Variants in NPAS3 observed in about 807,000 individuals in gnomAD.
NPAS3 encodes neuronal PAS domain protein 3.
A neutral mutation model predicts 73.1 loss-of-function variants in NPAS3; 14 were observed. The ratio of observed to expected loss-of-function variants is 0.19; its 90% CI spans 0.13 to 0.30. The LOEUF is 0.30. NPAS3 is among the 10% of genes least tolerant of loss of function. NPAS3 has a pLI of 1.00. For missense variants in NPAS3, 1,096 were observed against 1,250.0 expected (o/e 0.88, Z 1.86); for synonymous variants, 620 against 541.5 (o/e 1.14, Z -2.01).
intron 3 of NPAS3, among the ~76,000 whole-genome samples, chr14:33,356,887 GT>G (rs974649421): frequency 3.1e-4 from 47 of 152,314 alleles, no homozygotes; most frequent in African/African-American, 1.1e-3. Flanking sequence ...CAAGTTAAGT[GT>G]TTTTTCCTCA....
chr14:33,753,525 T>C (rs1365051277), intron 7 of NPAS3, among the ~76,000 whole-genome samples: 1 of 152,164 alleles, frequency 6.6e-6, no homozygotes, highest in Non-Finnish European at 1.5e-5. Context: ...CTGTAAGTAA[T>C]GAACCTTCCA....
chr14:33,098,395 C>A (rs904437818), intron 2 of NPAS3, among the ~76,000 whole-genome samples: 1 of 151,796 alleles, frequency 6.6e-6, no homozygotes, highest in African/African-American at 2.4e-5. Flanking sequence ...ATGATGATGA[C>A]AACAATGATG....
At chr14:33,554,592 ATTC>A (rs1359693117) in intron 4 of NPAS3, among the ~76,000 whole-genome samples, 4 of 152,330 alleles carry the variant, frequency 2.6e-5, no homozygotes, top group Admixed American at 2.0e-4. Context: ...CCTACTGGTA[ATTC>A]TTCTCTCTAA....
intron 2 of NPAS3, among the ~76,000 whole-genome samples, chr14:33,139,811 C>T (rs562102041): frequency 1.5e-4 from 23 of 152,276 alleles, no homozygotes; most frequent in African/African-American, 5.1e-4. Context: ...CAGTGCAGAT[C>T]GTAGAACACT....
chr14:33,176,145 C>T (rs2045581558), intron 2 of NPAS3, among the ~76,000 whole-genome samples: 1 of 152,124 alleles, frequency 6.6e-6, no homozygotes, highest in Non-Finnish European at 1.5e-5. Context: ...ATACTGCCTG[C>T]TTAGCAAATT....
At chr14:32,994,103 G>C (rs892937165) in intron 1 of NPAS3, among the ~76,000 whole-genome samples, 1 of 152,182 alleles carries the variant, frequency 6.6e-6, no homozygotes, top group Non-Finnish European at 1.5e-5. Flanking sequence ...AGAGCAGCTG[G>C]TGTTTTCTGG....
intron 1 of NPAS3, among the ~76,000 whole-genome samples, chr14:33,028,224 C>CT (rs1421519526): frequency 1.3e-5 from 2 of 152,130 alleles, no homozygotes; most frequent in Admixed American, 6.6e-5. Context: ...ATAGCTTTCC[C>CT]TTTAAAAATA....
In NPAS3 at chr14:33,016,630, A is replaced by C. The variant is rs181380032; in HGVS notation, c.51-39275A>C. Among the ~76,000 whole-genome samples, 1,134 of 151,558 alleles carry C rather than the reference A, an allele frequency of 7.5e-3. 17 individuals carry two copies. The highest frequency in any genetic ancestry group is 0.026 in the African/African-American group (1,084 of 41,462). Reference sequence around the variant, plus strand: ...AGAAAAAAAGGAAAAAAAAAAAAAAAAACGACCTAACCCATTGCTTAATTG... The same window carrying C: ...AGAAAAAAAGGAAAAAAAAAAAAAACAACGACCTAACCCATTGCTTAATTG... On this transcript the variant is annotated intron_variant, in intron 1 of 11. Transcript: ENST00000356141.
At chr14:33,451,265 T>C (rs780003818) in intron 4 of NPAS3, among the ~76,000 whole-genome samples, 30 of 152,218 alleles carry the variant, frequency 2.0e-4, no homozygotes, top group Non-Finnish European at 3.1e-4. Flanking sequence ...TCCCCTTATG[T>C]TAAACAATAC....
intron 9 of NPAS3, among the ~76,000 whole-genome samples, chr14:33,784,739 TTA>T (rs1208799256): frequency 1.8e-4 from 18 of 100,772 alleles, no homozygotes; most frequent in African/African-American, 7.1e-4. Context: ...ATTTATTTAT[TTA>T]TTTATTTTTT....
chr14:33,489,547 C>T (rs2051787156), intron 4 of NPAS3, among the ~76,000 whole-genome samples: 1 of 152,226 alleles, frequency 6.6e-6, no homozygotes, highest in African/African-American at 2.4e-5. Context: ...AGCATATATG[C>T]CTCCACTTTA....
At chr14:33,511,084 G>A (rs1250069734) in intron 4 of NPAS3, among the ~76,000 whole-genome samples, 1 of 151,962 alleles carries the variant, frequency 6.6e-6, no homozygotes, top group African/African-American at 2.4e-5. Context: ...TTTACTTTTT[G>A]AATGTTATTT....
intron 6 of NPAS3, among the ~76,000 whole-genome samples, chr14:33,730,449 A>G (rs78929663): frequency 0.012 from 1,804 of 152,316 alleles, 35 homozygotes; most frequent in African/African-American, 0.042. Flanking sequence ...ATTTATTTCA[A>G]TAAGGATTGG....
chr14:33,308,709 C>T (rs893567274), intron 3 of NPAS3, among the ~76,000 whole-genome samples: 10 of 151,574 alleles, frequency 6.6e-5, no homozygotes, highest in African/African-American at 1.9e-4. Flanking sequence ...ATAATTTTCC[C>T]GGTTGATCTT....
At chr14:32,937,681 C>T (rs531639424), upstream of NPAS3, among the ~76,000 whole-genome samples, 8 of 152,258 alleles carry the variant, frequency 5.3e-5, no homozygotes, top group Non-Finnish European at 7.3e-5. Context: ...TCGTAGAGAC[C>T]GAATGGAGGA....
At chr14:33,019,916 T>C (rs1242108528) in intron 1 of NPAS3, among the ~76,000 whole-genome samples, 2 of 152,220 alleles carry the variant, frequency 1.3e-5, no homozygotes, top group African/African-American at 4.8e-5. Flanking sequence ...TTTTGCCATA[T>C]AGAAACTTCT....
intron 5 of NPAS3, among the ~76,000 whole-genome samples, chr14:33,571,403 T>A (rs148075954): frequency 6.6e-6 from 1 of 152,166 alleles, no homozygotes; most frequent in Non-Finnish European, 1.5e-5. Context: ...AAGTAGGCTA[T>A]TTTATTTTTA....
At chr14:33,268,847 G>A (rs1015498736) in intron 3 of NPAS3, among the ~76,000 whole-genome samples, 1 of 152,142 alleles carries the variant, frequency 6.6e-6, no homozygotes, top group Non-Finnish European at 1.5e-5. Context: ...TTCTCTGTGC[G>A]TTTACCCTCC....
chr14:33,027,133 C>T (rs939966916), intron 1 of NPAS3, among the ~76,000 whole-genome samples: 1 of 152,164 alleles, frequency 6.6e-6, no homozygotes, highest in Admixed American at 6.5e-5. Context: ...TAGCCTCTAG[C>T]CTGGACCACC....
Sources: allele counts gnomAD v4.1 joint callset (sites outside exome capture counted in the v4.1 genomes callset), GRCh38; gene constraint gnomAD v4.1.1; transcripts MANE v1.5; gene names NCBI Gene and HGNC (gene_info 2026-07-23, HGNC 2026-07-21).